Variants in RNF220 observed in about 807,000 individuals in gnomAD.
The protein encoded by RNF220 is E3 ubiquitin-protein ligase RNF220.
RNF220 carries 7 observed loss-of-function variants against 67.1 expected under a neutral mutation model. The observed-to-expected ratio is 0.10, with a 90% CI of 0.06 to 0.20. The LOEUF (loss-of-function observed/expected upper bound fraction) is 0.20. RNF220 is among the 10% of genes least tolerant of loss of function. The pLI is 1.00. For synonymous variants in RNF220, 270 were observed against 283.2 expected (o/e 0.95, Z 0.47); for missense variants, 565 against 740.3 (o/e 0.76, Z 2.75).
At chr1:44,576,934 G>A (rs1664848637) in intron 2 of RNF220, among the ~76,000 whole-genome samples, 1 of 152,126 alleles carries the variant, frequency 6.6e-6, no homozygotes, top group African/African-American at 2.4e-5. Flanking sequence ...TGGGAAAGGG[G>A]TCAAAGACGG....
At chr1:44,568,218 C>T (rs2148309967) in intron 2 of RNF220, among the ~76,000 whole-genome samples, 1 of 152,322 alleles carries the variant, frequency 6.6e-6, no homozygotes, top group South Asian at 2.1e-4. Context: ...AGGGTAAAAT[C>T]CTTACTGTGG....
intron 2 of RNF220, among the ~76,000 whole-genome samples, chr1:44,486,609 A>G (rs1368409116): frequency 6.6e-6 from 1 of 152,216 alleles, no homozygotes; most frequent in East Asian, 1.9e-4. Context: ...GCATCACAGT[A>G]TAGAATAGTC....
At chr1:44,611,775 A>G (rs1287316539) in intron 2 of RNF220, among the ~76,000 whole-genome samples, 1 of 152,078 alleles carries the variant, frequency 6.6e-6, no homozygotes, top group Non-Finnish European at 1.5e-5. Context: ...GATGCATTAT[A>G]TTTATCTCTG....
At chr1:44,460,681 A>G (rs1255144062) in intron 2 of RNF220, among the ~76,000 whole-genome samples, 2 of 152,198 alleles carry the variant, frequency 1.3e-5, no homozygotes, top group Non-Finnish European at 2.9e-5. Flanking sequence ...TAGCTTCCCC[A>G]GACAAGCGCC....
intron 1 of RNF220, among the ~76,000 whole-genome samples, chr1:44,408,234 C>T (rs917972101): frequency 7.2e-5 from 11 of 152,306 alleles, no homozygotes; most frequent in African/African-American, 2.4e-4. Context: ...GCTCGCTGAG[C>T]CAGTATCCCG....
chr1:44,407,751 C>T (rs1331898517), intron 1 of RNF220, among the ~76,000 whole-genome samples: 2 of 152,182 alleles, frequency 1.3e-5, no homozygotes, highest in Non-Finnish European at 2.9e-5. Flanking sequence ...CCGGCAGCCC[C>T]GCGCCGGTCC....
At chr1:44,614,439 T>G (rs1643456773) in intron 3 of RNF220, 142 bp downstream of exon 3, 1 of 921,700 alleles carries the variant, frequency 1.1e-6, no homozygotes, top group African/African-American at 1.7e-5. Flanking sequence ...ACAACTCTGT[T>G]TCAATCCTCA....
At position 44,621,270 on chromosome 1, in the gene RNF220, A is replaced by G. The variant is rs1643783582; in HGVS notation, c.759-1472A>G. ...GGAATATGCCTCTGTGGCCCTGTGC[A>G]TCTGTATGCGTGTCTGAGTCTCCAG... On this transcript the variant is annotated intron_variant, in intron 3 of 14. Transcript: ENST00000361799. This position sits in a 1 kb window ranked among gnomAD's most constrained non-coding sequence, Gnocchi z 4.8. Among the ~76,000 whole-genome samples, 3 of 152,124 alleles carry G rather than the reference A, an allele frequency of 2.0e-5. No individual in the cohort carries two copies. The highest frequency in any genetic ancestry group is 2.1e-4 in the South Asian group (1 of 4,828).
intron 2 of RNF220, among the ~76,000 whole-genome samples, chr1:44,516,410 C>T (rs1572740087): frequency 6.6e-6 from 1 of 152,156 alleles, no homozygotes; most frequent in Non-Finnish European, 1.5e-5. Flanking sequence ...AAGAAGTTTG[C>T]TACGCAGCCA....
In RNF220 at chr1:44,461,924, G is replaced by GTTTTTTTTTT. The variant is rs201661366; in HGVS notation, c.625+49214_625+49223dup. Reference sequence around the variant, plus strand: ...TATTTTTTTCTTTTCTTTTTTCTTTGTTTTTTTTTTTTTTTTTTTTTGAGC... The same window carrying GTTTTTTTTTT: ...TATTTTTTTCTTTTCTTTTTTCTTTGTTTTTTTTTTTTTTTTTTTTTTTTTTTTTTTGAGC... On this transcript the variant is annotated intron_variant, in intron 2 of 14. Transcript: ENST00000361799. Among the ~76,000 whole-genome samples the GTTTTTTTTTT allele has an allele frequency of 4.9e-5, 6 of 123,562 alleles. 1 individual carries two copies. Among genetic ancestry groups the GTTTTTTTTTT allele is most frequent in the African/African-American group, 1.6e-4 (5 of 32,006 alleles). 81.1% of individuals were successfully genotyped at this position (123,562 alleles called of 152,430 possible). A position where few individuals can be genotyped will look rare whatever the true frequency, so the allele number is the denominator to read the frequency against.
intron 2 of RNF220, among the ~76,000 whole-genome samples, chr1:44,598,022 T>C (rs1666652727): frequency 6.6e-6 from 1 of 150,904 alleles, no homozygotes; most frequent in Admixed American, 6.6e-5. Flanking sequence ...CTTTGGGACA[T>C]ATCCTGAAAC....
At chr1:44,441,403 C>G (rs898537943) in intron 2 of RNF220, among the ~76,000 whole-genome samples, 1 of 152,154 alleles carries the variant, frequency 6.6e-6, no homozygotes, top group African/African-American at 2.4e-5. Context: ...ATGGTACCTT[C>G]ACATTTTCTA....
At chr1:44,449,209 G>A (rs1443635208) in intron 2 of RNF220, among the ~76,000 whole-genome samples, 1 of 152,122 alleles carries the variant, frequency 6.6e-6, no homozygotes, top group African/African-American at 2.4e-5. Flanking sequence ...TTTGTGTGAG[G>A]AAATATAGGT....
At chr1:44,552,728 G>A (rs1389944298) in intron 2 of RNF220, among the ~76,000 whole-genome samples, 3 of 151,564 alleles carry the variant, frequency 2.0e-5, no homozygotes, top group Non-Finnish European at 2.9e-5. Flanking sequence ...CCGCCACCAC[G>A]CCCGGCTAAT....
At chr1:44,524,661 C>A (rs1018766723) in intron 2 of RNF220, among the ~76,000 whole-genome samples, 11 of 152,206 alleles carry the variant, frequency 7.2e-5, no homozygotes, top group Admixed American at 1.3e-4. Flanking sequence ...CGCTTATCGC[C>A]TTTTTCCCTC....
chr1:44,456,217 G>T (rs946766980), intron 2 of RNF220, among the ~76,000 whole-genome samples: 1 of 152,168 alleles, frequency 6.6e-6, no homozygotes, highest in African/African-American at 2.4e-5. Context: ...AAGAATTAAT[G>T]GAATTATTTG....
At chr1:44,426,976 G>C (rs1280565546) in intron 2 of RNF220, among the ~76,000 whole-genome samples, 1 of 152,122 alleles carries the variant, frequency 6.6e-6, no homozygotes, top group Admixed American at 6.5e-5. Flanking sequence ...CAAGTGAAAT[G>C]ACTGCAAGCA....
At chr1:44,562,532 C>A (rs909993034) in intron 2 of RNF220, among the ~76,000 whole-genome samples, 1 of 152,202 alleles carries the variant, frequency 6.6e-6, no homozygotes, top group Non-Finnish European at 1.5e-5. Flanking sequence ...AGGCCATTTC[C>A]TGAGCAAAGA....
chr1:44,567,846 G>T (rs1664137967), intron 2 of RNF220, among the ~76,000 whole-genome samples: 1 of 152,066 alleles, frequency 6.6e-6, no homozygotes, highest in African/African-American at 2.4e-5. Context: ...GAACCCAGAG[G>T]CTGTGCGAGT....
Sources: gnomAD v4.1 joint callset for allele counts (sites outside exome capture counted in the v4.1 genomes callset) on GRCh38, gnomAD v4.1.1 for gene constraint, Gnocchi (gnomAD v3.1) non-coding constraint, MANE v1.5 for transcripts, NCBI Gene and HGNC (gene_info 2026-07-23, HGNC 2026-07-21) for gene names.